Variants in ELAVL4 observed in about 807,000 individuals in gnomAD.
The protein encoded by ELAVL4 is ELAV-like protein 4.
In ELAVL4, 1 loss-of-function variant was observed where a neutral mutation model predicts 35.6. That is an observed-to-expected ratio of 0.03 (90% CI 0.01 to 0.13). ELAVL4 has a LOEUF of 0.13. Among genes scored for constraint, ELAVL4 ranks in the 10% least tolerant of loss-of-function variants. The pLI, the probability that ELAVL4 is intolerant of heterozygous loss-of-function variation, is 1.00. For missense variants in ELAVL4, 267 were observed against 464.9 expected, an observed-to-expected ratio of 0.57 and a Z score of 3.91; for synonymous variants, 156 against 171.0, an observed-to-expected ratio of 0.91 and a Z score of 0.69.
At chr1:50,152,874 T>G (rs1675041182) in intron 2 of ELAVL4, among the ~76,000 whole-genome samples, 1 of 152,234 alleles carries the variant, frequency 6.6e-6, no homozygotes, top group African/African-American at 2.4e-5. Context: ...GTTTTTATAT[T>G]TGTAAAACAT....
chr1:50,078,136 GTGTGTGTA>G (rs1258728618), intron 1 of ELAVL4, among the ~76,000 whole-genome samples: 9 of 151,708 alleles, frequency 5.9e-5, no homozygotes, highest in Middle Eastern at 3.4e-3. Context: ...GTGTGTGTGT[GTGTGTGTA>G]TATAGTATTT....
At chr1:50,071,981 T>C (rs1664552221) in intron 1 of ELAVL4, among the ~76,000 whole-genome samples, 2 of 152,236 alleles carry the variant, frequency 1.3e-5, no homozygotes. Flanking sequence ...TACCTATTAC[T>C]ATTAATATTA....
At chr1:50,122,701 T>C (rs1374379920) in intron 1 of ELAVL4, among the ~76,000 whole-genome samples, 1 of 152,094 alleles carries the variant, frequency 6.6e-6, no homozygotes. Flanking sequence ...CATCTTAGTG[T>C]GAAAAGCAAA....
At chr1:50,144,213 T>C (rs1673299619) in intron 1 of ELAVL4, among the ~76,000 whole-genome samples, 1 of 152,186 alleles carries the variant, frequency 6.6e-6, no homozygotes, top group Non-Finnish European at 1.5e-5. Context: ...TTTAATTAAA[T>C]ATTTTAATCA....
intron 1 of ELAVL4, among the ~76,000 whole-genome samples, chr1:50,129,071 A>G (rs973207994): frequency 2.6e-5 from 4 of 152,114 alleles, no homozygotes; most frequent in African/African-American, 7.2e-5. Context: ...TGAGTCCAGC[A>G]TGTAATTTAA....
chr1:50,161,541 T>G (rs1676810492), intron 2 of ELAVL4, among the ~76,000 whole-genome samples: 1 of 152,228 alleles, frequency 6.6e-6, no homozygotes, highest in African/African-American at 2.4e-5. Context: ...ATTTCCTTTC[T>G]TTTCTGAACA....
intron 1 of ELAVL4, among the ~76,000 whole-genome samples, chr1:50,072,461 A>T (rs1664574523): frequency 2.0e-5 from 3 of 152,156 alleles, no homozygotes; most frequent in Admixed American, 2.0e-4. Flanking sequence ...GGGCCTTCTC[A>T]CTGTTTTATG....
At chr1:50,106,330 T>G, upstream of ELAVL4, 1 of 1,613,726 alleles carries the variant, frequency 6.2e-7, no homozygotes, top group Non-Finnish European at 8.5e-7. Flanking sequence ...AGGGGCTGAC[T>G]GATATGAGAT....
At chr1:50,177,046 G>GTC (rs765749711) in intron 2 of ELAVL4, 43 bp from the exon 3 acceptor site, 7 of 1,514,196 alleles carry the variant, frequency 4.6e-6, no homozygotes, top group African/African-American at 2.7e-5. Context: ...CTCTCTGTCT[G>GTC]TCTCTCTCTC....
At chr1:50,153,765 T>C (rs1572424208) in intron 2 of ELAVL4, among the ~76,000 whole-genome samples, 1 of 152,194 alleles carries the variant, frequency 6.6e-6, no homozygotes, top group Non-Finnish European at 1.5e-5. Context: ...TTTTTGGAGA[T>C]AGGGCCTCTG....
At chr1:50,076,745 GAAGA>G (rs1466623266) in intron 1 of ELAVL4, among the ~76,000 whole-genome samples, 1 of 152,144 alleles carries the variant, frequency 6.6e-6, no homozygotes, top group Non-Finnish European at 1.5e-5. Context: ...GGGAGAATGG[GAAGA>G]AAGAGAGAGG....
chr1:50,062,101 G>T (rs936084481), intron 1 of ELAVL4, among the ~76,000 whole-genome samples: 9 of 152,170 alleles, frequency 5.9e-5, no homozygotes, highest in Non-Finnish European at 1.2e-4. Context: ...TTCCCTTTCT[G>T]AAGTTCATGT....
chr1:50,177,339 GAC>G (rs1572547317), intron 3 of ELAVL4, 147 bp downstream of exon 3: 1 of 650,764 alleles, frequency 1.5e-6, no homozygotes, highest in East Asian at 2.7e-5. Flanking sequence ...CTAAATGGGA[GAC>G]ACAGAGTGTT....
chr1:50,061,216 A>G (rs1663947780), intron 1 of ELAVL4, among the ~76,000 whole-genome samples: 1 of 152,224 alleles, frequency 6.6e-6, no homozygotes. Flanking sequence ...TTATATGCCA[A>G]TTTAGTTTTC....
chr1:50,139,595 G>A (rs1672473815), intron 1 of ELAVL4, among the ~76,000 whole-genome samples: 1 of 152,198 alleles, frequency 6.6e-6, no homozygotes, highest in East Asian at 1.9e-4. Flanking sequence ...CATAGTGGAA[G>A]TAAACCCTTT....
intron 1 of ELAVL4, among the ~76,000 whole-genome samples, chr1:50,078,826 C>T (rs1283335237): frequency 2.0e-5 from 3 of 152,274 alleles, no homozygotes; most frequent in Middle Eastern, 3.4e-3. Flanking sequence ...TCTCCATTCC[C>T]GTGCCTATCA....
At position 50,154,182 on chromosome 1, in the gene ELAVL4, A is replaced by T. The variant is rs565118737; in HGVS notation, c.250+8985A>T. Reference sequence around the variant, plus strand: ...GATGTTAAATAATTTATCCAGGGTCACAGTTAATAAGCGGTGGAGCTGATA... The same window carrying T: ...GATGTTAAATAATTTATCCAGGGTCTCAGTTAATAAGCGGTGGAGCTGATA... On this transcript the variant is annotated intron_variant, in intron 2 of 6. Coordinates refer to ENST00000371824, the MANE Select transcript of ELAVL4 (RefSeq NM_001144774.3). 8.5e-5 allele frequency among the ~76,000 whole-genome samples: 13 copies of T among 152,344 alleles called. No homozygotes were observed. In the South Asian group the frequency reaches 2.3e-3, roughly 27 times the overall value.
chr1:50,177,019 T>G, intron 2 of ELAVL4, 70 bp from the exon 3 acceptor site: 4 of 631,152 alleles, frequency 6.3e-6, no homozygotes, highest in African/African-American at 1.9e-5. Flanking sequence ...CTGAGCATGC[T>G]CTCTCTCTCT....
At chr1:50,190,440 CT>C (rs1284884213) in intron 3 of ELAVL4, among the ~76,000 whole-genome samples, 1 of 152,150 alleles carries the variant, frequency 6.6e-6, no homozygotes, top group African/African-American at 2.4e-5. Flanking sequence ...GCAGGAAGAT[CT>C]TTTTTCTGTC....
Sources: gnomAD v4.1 joint callset for allele counts (sites outside exome capture counted in the v4.1 genomes callset) on GRCh38, gnomAD v4.1.1 for gene constraint, MANE v1.5 for transcripts, NCBI Gene and HGNC (gene_info 2026-07-23, HGNC 2026-07-21) for gene names.